Variants in EYS observed in about 807,000 individuals in gnomAD.
EYS encodes the protein protein eyes shut homolog.
EYS carries 250 observed loss-of-function variants against 282.1 expected under a neutral mutation model. The ratio of observed to expected loss-of-function variants is 0.89; its 90% CI spans 0.80 to 0.98. EYS has a LOEUF of 0.98. Ranked by LOEUF, EYS falls within the 50% of genes least tolerant of loss-of-function variation. EYS has a pLI of 0.00. For missense variants in EYS, 4,016 were observed against 3,709.0 expected (o/e 1.08, Z -2.15); for synonymous variants, 1,355 against 1,282.9 (o/e 1.06, Z -1.20).
intron 2 of EYS, among the ~76,000 whole-genome samples, chr6:65,596,438 A>G (rs1266136183): frequency 6.6e-6 from 1 of 152,128 alleles, no homozygotes; most frequent in African/African-American, 2.4e-5. Flanking sequence ...CCAAATAAAA[A>G]CAAAGGCCTA....
chr6:63,925,007 T>C (rs1489470350), intron 35 of EYS, among the ~76,000 whole-genome samples: 1 of 152,202 alleles, frequency 6.6e-6, no homozygotes, highest in Non-Finnish European at 1.5e-5. Flanking sequence ...AGCTCGTTCA[T>C]ATGTATAGTT....
chr6:65,662,116 T>C (rs145151678), intron 1 of EYS, among the ~76,000 whole-genome samples: 173 of 152,120 alleles, frequency 1.1e-3, no homozygotes, highest in African/African-American at 4.0e-3. Context: ...TAAGGATAAA[T>C]TAAGGTTAAG....
chr6:65,093,412 T>G (rs1774632087), intron 12 of EYS, among the ~76,000 whole-genome samples: 2 of 151,896 alleles, frequency 1.3e-5, no homozygotes, highest in Non-Finnish European at 2.9e-5. Flanking sequence ...AATTCTAATA[T>G]AAAAGTTAAA....
intron 26 of EYS, among the ~76,000 whole-genome samples, chr6:64,518,077 A>G (rs1777618229): frequency 6.6e-6 from 1 of 151,836 alleles, no homozygotes; most frequent in Non-Finnish European, 1.5e-5. Flanking sequence ...TTTACATGCT[A>G]TTTACAATCT....
At chr6:65,046,896 T>C (rs1773119163) in intron 13 of EYS, among the ~76,000 whole-genome samples, 1 of 151,804 alleles carries the variant, frequency 6.6e-6, no homozygotes, top group African/African-American at 2.4e-5. Flanking sequence ...ATAAGTGAGC[T>C]CTCATTTTGA....
chr6:64,420,152 G>C (rs1774184581), intron 28 of EYS, among the ~76,000 whole-genome samples: 1 of 152,136 alleles, frequency 6.6e-6, no homozygotes, highest in Admixed American at 6.5e-5. Flanking sequence ...GTATCCACAG[G>C]CTCAACACCA....
intron 12 of EYS, among the ~76,000 whole-genome samples, chr6:65,073,358 G>A (rs1256466628): frequency 6.6e-6 from 1 of 151,702 alleles, no homozygotes; most frequent in East Asian, 1.9e-4. Context: ...ACAGACCTAT[G>A]ATCATGAACA....
chr6:64,115,079 T>C (rs1773331840), intron 31 of EYS, among the ~76,000 whole-genome samples: 1 of 152,192 alleles, frequency 6.6e-6, no homozygotes, highest in African/African-American at 2.4e-5. Flanking sequence ...ACCTTGGCGC[T>C]ATGGCTGCTC....
intron 11 of EYS, among the ~76,000 whole-genome samples, chr6:65,316,721 C>T (rs1270772859): frequency 5.3e-5 from 8 of 152,018 alleles, no homozygotes; most frequent in Non-Finnish European, 1.2e-4. Flanking sequence ...TGAGTGAGAA[C>T]GTGCAGTGTT....
In EYS at chr6:64,759,214, C is replaced by T. The variant is rs147394708; in HGVS notation, c.3443+54164G>A. Among the ~76,000 whole-genome samples the T allele has an allele frequency of 2.4e-3, 363 of 152,174 alleles. 2 individuals carry two copies. The highest frequency in any genetic ancestry group is 8.1e-3 in the African/African-American group (338 of 41,534). On this transcript the variant is annotated intron_variant, in intron 22 of 42. Transcript: ENST00000503581. Reference sequence around the variant, plus strand: ...GACAACGGGTAGCTATCAAGAGATACAGGATTTGGGGCTAGGTGATACTTG... The same window carrying T: ...GACAACGGGTAGCTATCAAGAGATATAGGATTTGGGGCTAGGTGATACTTG...
intron 5 of EYS, among the ~76,000 whole-genome samples, chr6:65,486,821 C>A (rs566246830): frequency 6.6e-6 from 1 of 152,102 alleles, no homozygotes; most frequent in Non-Finnish European, 1.5e-5. Context: ...TGTTATCTAA[C>A]AAACTGATTT....
At chr6:65,400,334 A>C (rs533371815) in intron 7 of EYS, among the ~76,000 whole-genome samples, 9 of 152,086 alleles carry the variant, frequency 5.9e-5, no homozygotes, top group African/African-American at 2.2e-4. Context: ...TCACATAAAC[A>C]ATCAAACCAT....
intron 31 of EYS, among the ~76,000 whole-genome samples, chr6:64,137,982 G>A (rs2150286042): frequency 6.6e-6 from 1 of 152,254 alleles, no homozygotes; most frequent in African/African-American, 2.4e-5. Context: ...TGTATTGGAT[G>A]AAAACTGCCA....
rs1386462415 is a variant in EYS, at chr6:64,515,798, A to AT, written c.5644+74424dup. ...ATAAAATAATCCTGTTGTTATTTAA[A>AT]TAAAAAAAAACCTTAACTCTGGCTG... On this transcript the variant is annotated intron_variant, in intron 26 of 42. Coordinates refer to ENST00000503581, the MANE Select transcript of EYS (RefSeq NM_001142800.2). 3.3e-5 allele frequency among the ~76,000 whole-genome samples: 5 copies of AT among 151,850 alleles called. No homozygotes were observed. The East Asian group carries it at 9.7e-4, about 29-fold the overall frequency.
chr6:65,686,403 A>T (rs1769016074), intron 1 of EYS, among the ~76,000 whole-genome samples: 1 of 151,930 alleles, frequency 6.6e-6, no homozygotes, highest in Non-Finnish European at 1.5e-5. Context: ...AGTAATTATT[A>T]TTTTCTTTCT....
At chr6:63,895,140 G>A (rs1377280747) in intron 35 of EYS, among the ~76,000 whole-genome samples, 1 of 66,888 alleles carries the variant, frequency 1.5e-5, no homozygotes, top group Non-Finnish European at 3.5e-5. Context: ...ACATGCACTT[G>A]TGAGCGATAA....
intron 24 of EYS, among the ~76,000 whole-genome samples, chr6:64,611,709 ACTC>A (rs1192935334): frequency 2.0e-5 from 3 of 152,078 alleles, no homozygotes; most frequent in Non-Finnish European, 2.9e-5. Flanking sequence ...GTGAGCCTGT[ACTC>A]TTTTCCTTAA....
chr6:64,993,070 A>C (rs1771122524), intron 14 of EYS, among the ~76,000 whole-genome samples: 1 of 151,604 alleles, frequency 6.6e-6, no homozygotes, highest in Non-Finnish European at 1.5e-5. Context: ...CCATATAGGC[A>C]TTTTATTAGG....
intron 31 of EYS, among the ~76,000 whole-genome samples, chr6:64,215,767 T>C (rs1415768882): frequency 1.3e-5 from 2 of 152,184 alleles, no homozygotes; most frequent in African/African-American, 4.8e-5. Flanking sequence ...CTTTCTTTAA[T>C]ATTTTGCCAT....
Sources: allele counts gnomAD v4.1 joint callset (sites outside exome capture counted in the v4.1 genomes callset), GRCh38; gene constraint gnomAD v4.1.1; transcripts MANE v1.5; gene names NCBI Gene and HGNC (gene_info 2026-07-23, HGNC 2026-07-21).